Variants in AGBL1 observed in about 807,000 individuals in gnomAD.
AGBL1 encodes cytosolic carboxypeptidase 4.
In AGBL1, 130 loss-of-function variants were observed where a neutral mutation model predicts 118.9. The ratio of observed to expected loss-of-function variants is 1.09; its 90% CI spans 0.95 to 1.26. The LOEUF (loss-of-function observed/expected upper bound fraction) is 1.26. Ranked by LOEUF, AGBL1 falls within the 50% of genes most tolerant of loss-of-function variation. AGBL1 has a pLI of 0.00. For missense variants in AGBL1, 1,584 were observed against 1,298.1 expected, an observed-to-expected ratio of 1.22 and a Z score of -3.38; for synonymous variants, 555 against 478.9, an observed-to-expected ratio of 1.16 and a Z score of -2.08.
At chr15:86,133,442 T>G (rs928970190) in intron 1 of AGBL1, among the ~76,000 whole-genome samples, 1 of 152,186 alleles carries the variant, frequency 6.6e-6, no homozygotes, top group African/African-American at 2.4e-5. Flanking sequence ...CGGCACCTAT[T>G]CCTGGTTGCA....
At chr15:86,846,730 C>G (rs1016405054) in intron 22 of AGBL1, among the ~76,000 whole-genome samples, 9 of 152,198 alleles carry the variant, frequency 5.9e-5, no homozygotes, top group Admixed American at 5.9e-4. Context: ...CGAGGTTTCA[C>G]TGTGTTGGCC....
intron 22 of AGBL1, among the ~76,000 whole-genome samples, chr15:86,841,719 T>C (rs2079248063): frequency 6.6e-6 from 1 of 152,066 alleles, no homozygotes; most frequent in Admixed American, 6.5e-5. Context: ...TGGTGGTGCA[T>C]GCCCGTAATC....
intron 17 of AGBL1, chr15:86,316,740 G>A (rs1421010214): frequency 6.6e-6 from 1 of 152,278 alleles, no homozygotes; most frequent in Non-Finnish European, 1.5e-5. Flanking sequence ...CCTAACTGTT[G>A]TCTTCCTCAG....
chr15:86,828,164 A>G (rs1009943179), intron 22 of AGBL1, among the ~76,000 whole-genome samples: 28 of 151,466 alleles, frequency 1.8e-4, no homozygotes, highest in African/African-American at 6.5e-4. Flanking sequence ...GCTGGTCTCA[A>G]AATCCTGGGC....
At chr15:86,917,360 G>A (rs1357711269), downstream of AGBL1, among the ~76,000 whole-genome samples, 1 of 152,150 alleles carries the variant, frequency 6.6e-6, no homozygotes. This position sits in a 1 kb window ranked among gnomAD's most constrained non-coding sequence, Gnocchi z 4.8. Context: ...TTGGGGCCCA[G>A]CTTCCTCCTA....
intron 17 of AGBL1, among the ~76,000 whole-genome samples, chr15:86,313,313 GA>G (rs147038317): frequency 6.6e-6 from 1 of 151,604 alleles, no homozygotes; most frequent in Non-Finnish European, 1.5e-5. Context: ...GAACTCTTTA[GA>G]AAAAAAACAA....
chr15:86,291,851 C>A (rs2141761747), intron 16 of AGBL1, among the ~76,000 whole-genome samples: 1 of 152,240 alleles, frequency 6.6e-6, no homozygotes, highest in Non-Finnish European at 1.5e-5. Flanking sequence ...CTCATCAATA[C>A]CTGATACTCG....
chr15:86,734,098 A>G (rs1195237917), intron 22 of AGBL1, among the ~76,000 whole-genome samples: 1 of 152,080 alleles, frequency 6.6e-6, no homozygotes, highest in East Asian at 1.9e-4. Flanking sequence ...GGCAGTTTGC[A>G]TATGTTTTCT....
chr15:86,546,101 A>G lies in AGBL1; in HGVS notation c.2785A>G (p.Thr929Ala), dbSNP rs1206176427. ...GTGGCAAGCAGCATGCACTGTGGGCACATCTACTATCCTAGAGGAGGTCAA... is the reference window on the plus strand; with the variant it reads ...GTGGCAAGCAGCATGCACTGTGGGCGCATCTACTATCCTAGAGGAGGTCAA... ...TLWQAACTVG[T>A]STILEEVNYR... Residue 929 changes from threonine (T) to alanine (A), a missense_variant, in exon 20 of 23, where the codon ACA becomes GCA. Thr to Ala is a moderately conservative substitution (Grantham distance 58, BLOSUM62 0). Coordinates refer to ENST00000614907, the MANE Select transcript of AGBL1 (RefSeq NM_001386094.1). 1.2e-6 allele frequency: 2 copies of G among 1,613,332 alleles called. No individual in the cohort carries two copies. The highest frequency in any genetic ancestry group is 3.3e-5 in the Admixed American group (2 of 59,894).
At chr15:86,706,992 G>T (rs924801919) in intron 22 of AGBL1, among the ~76,000 whole-genome samples, 1 of 151,950 alleles carries the variant, frequency 6.6e-6, no homozygotes, top group Non-Finnish European at 1.5e-5. Context: ...AATAAGAGAT[G>T]GACTTTGCAT....
intron 22 of AGBL1, among the ~76,000 whole-genome samples, chr15:86,704,477 G>A (rs764663363): frequency 1.3e-5 from 2 of 152,128 alleles, no homozygotes; most frequent in African/African-American, 4.8e-5. Flanking sequence ...AGTGGGCAAA[G>A]GATATGAACA....
chr15:86,638,940 G>A (rs951169580), intron 21 of AGBL1, among the ~76,000 whole-genome samples: 1 of 152,022 alleles, frequency 6.6e-6, no homozygotes, highest in Non-Finnish European at 1.5e-5. Context: ...ATCCACTTCC[G>A]AGTTCTCTCC....
chr15:86,120,026 T>G (rs904786782), intron 1 of AGBL1, among the ~76,000 whole-genome samples: 2 of 152,188 alleles, frequency 1.3e-5, no homozygotes, highest in Non-Finnish European at 2.9e-5. Context: ...ATCTACTCAT[T>G]CATTCAAGTA....
intron 3 of AGBL1, among the ~76,000 whole-genome samples, chr15:86,147,945 T>C (rs2077054689): frequency 6.6e-6 from 1 of 152,202 alleles, no homozygotes; most frequent in Non-Finnish European, 1.5e-5. Flanking sequence ...TGTTCTGCAG[T>C]ATTTGCTGTT....
intron 22 of AGBL1, among the ~76,000 whole-genome samples, chr15:86,675,373 T>G (rs1197287935): frequency 6.6e-6 from 1 of 152,188 alleles, no homozygotes; most frequent in Non-Finnish European, 1.5e-5. Flanking sequence ...ACATACTGAA[T>G]GGCCAGTGAA....
At chr15:86,686,786 C>G (rs1044274554) in intron 22 of AGBL1, among the ~76,000 whole-genome samples, 1 of 152,024 alleles carries the variant, frequency 6.6e-6, no homozygotes, top group Non-Finnish European at 1.5e-5. Context: ...AACAAATAGT[C>G]ATGAGATACA....
chr15:87,001,897 G>C (rs1291023534), intron 24 of AGBL1, among the ~76,000 whole-genome samples: 1 of 152,020 alleles, frequency 6.6e-6, no homozygotes, highest in Non-Finnish European at 1.5e-5. Context: ...CAGATGACTA[G>C]GTTGCAAAAA....
chr15:86,505,602 A>C (rs1215808438), intron 18 of AGBL1, among the ~76,000 whole-genome samples: 2 of 151,970 alleles, frequency 1.3e-5, no homozygotes, highest in African/African-American at 4.8e-5. Flanking sequence ...CAGAAATTAT[A>C]TTTGATTATT....
chr15:86,649,973 G>A (rs182566723), intron 21 of AGBL1, among the ~76,000 whole-genome samples: 52 of 152,248 alleles, frequency 3.4e-4, no homozygotes, highest in Non-Finnish European at 1.3e-4. Flanking sequence ...CATGCCATAT[G>A]TCTGACAAGC....
Sources: gnomAD v4.1 joint callset for allele counts (sites outside exome capture counted in the v4.1 genomes callset) on GRCh38, gnomAD v4.1.1 for gene constraint, Gnocchi (gnomAD v3.1) non-coding constraint, MANE v1.5 for transcripts, NCBI Gene and HGNC (gene_info 2026-07-23, HGNC 2026-07-21) for gene names.